The following CEP152 variants were observed in gnomAD, a reference collection of about 807,000 sequenced individuals.
CEP152 encodes centrosomal protein 152.
A neutral mutation model predicts 188.9 loss-of-function variants in CEP152; 132 were observed. That is an observed-to-expected ratio of 0.70 (90% CI 0.61 to 0.81). The LOEUF (loss-of-function observed/expected upper bound fraction) is 0.81. CEP152 is among the 30% of genes least tolerant of loss of function. CEP152 has a pLI of 0.00. For synonymous variants in CEP152, 649 were observed against 666.6 expected, an observed-to-expected ratio of 0.97 and a Z score of 0.41; for missense variants, 1,914 against 1,969.8, an observed-to-expected ratio of 0.97 and a Z score of 0.54.
At chr15:48,746,885 G>A (rs1046321316) in intron 22 of CEP152, among the ~76,000 whole-genome samples, 1 of 152,152 alleles carries the variant, frequency 6.6e-6, no homozygotes, top group African/African-American at 2.4e-5. Flanking sequence ...AATGTATTGG[G>A]GAAAAGATGA....
intron 22 of CEP152, 80 bp downstream of exon 22, chr15:48,748,363 T>C (rs1324561727): frequency 1.4e-6 from 2 of 1,423,282 alleles, no homozygotes; most frequent in African/African-American, 2.9e-5. Context: ...GTGCACACAT[T>C]AACTAAAATG....
At chr15:48,736,866 G>C (rs1483320553), downstream of CEP152, among the ~76,000 whole-genome samples, 2 of 152,098 alleles carry the variant, frequency 1.3e-5, no homozygotes, top group Non-Finnish European at 2.9e-5. Flanking sequence ...TAAAAACAAG[G>C]GCTTAAAACG....
intron 19 of CEP152, among the ~76,000 whole-genome samples, chr15:48,759,596 T>C (rs1894530902): frequency 6.6e-6 from 1 of 152,212 alleles, no homozygotes; most frequent in Non-Finnish European, 1.5e-5. Context: ...CTTTTATTTT[T>C]CCAAAAACAT....
intron 13 of CEP152, among the ~76,000 whole-genome samples, chr15:48,772,104 T>C (rs537096311): frequency 1.5e-4 from 23 of 152,212 alleles, no homozygotes; most frequent in Admixed American, 5.9e-4. Context: ...AAGCCAAAGG[T>C]TTATTAATTT....
At chr15:48,770,887 T>A (rs1316453293) in intron 13 of CEP152, among the ~76,000 whole-genome samples, 3 of 152,150 alleles carry the variant, frequency 2.0e-5, no homozygotes, top group African/African-American at 7.2e-5. Context: ...ACAATCAAAA[T>A]TCCACAATAA....
chr15:48,748,758 A>G lies in CEP152; in HGVS notation c.3467-148T>C, dbSNP rs139926728. On this transcript the variant is annotated intron_variant, in intron 21 of 26. Transcript: ENST00000380950. ...AAAGAGTGTGATGCTTAAGATAGAG[A>G]GACATGGGTTTACATATTGTTTCTG... 175 of 901,904 alleles carry G rather than the reference A, an allele frequency of 1.9e-4. 1 individual carries two copies. In the African/African-American group the frequency reaches 2.5e-3, roughly 13 times the overall value. The allele number at this position is 901,904 out of a possible 1,614,324, so 55.9% of individuals were successfully genotyped here. A position where few individuals can be genotyped will look rare whatever the true frequency, so the allele number is the denominator to read the frequency against.
At chr15:48,759,825 G>A (rs1894547802) in intron 19 of CEP152, among the ~76,000 whole-genome samples, 1 of 152,158 alleles carries the variant, frequency 6.6e-6, no homozygotes, top group South Asian at 2.1e-4. Flanking sequence ...CTTTAAGCAT[G>A]TGAAAGGATA....
intron 13 of CEP152, among the ~76,000 whole-genome samples, chr15:48,771,462 G>A (rs907298853): frequency 6.6e-6 from 1 of 152,118 alleles, no homozygotes; most frequent in African/African-American, 2.4e-5. Context: ...ACATGGGCCA[G>A]GAAAATCTCA....
At chr15:48,779,325 A>G (rs1295099411) in intron 12 of CEP152, among the ~76,000 whole-genome samples, 5 of 152,314 alleles carry the variant, frequency 3.3e-5, no homozygotes, top group African/African-American at 1.2e-4. Flanking sequence ...TACTAAGCAA[A>G]GGAGTTCACT....
chr15:48,779,307 G>A (rs1896107647), intron 12 of CEP152, among the ~76,000 whole-genome samples: 1 of 152,180 alleles, frequency 6.6e-6, no homozygotes, highest in South Asian at 2.1e-4. Context: ...GCTACTAATT[G>A]TCTGCCTTAC....
chr15:48,809,861 G>A (rs775342933), intron 1 of CEP152, among the ~76,000 whole-genome samples: 27 of 152,156 alleles, frequency 1.8e-4, no homozygotes, highest in Non-Finnish European at 3.5e-4. Flanking sequence ...TCTGAGAAAA[G>A]GTGAATGTGC....
chr15:48,755,013 C>T (rs961388863), intron 20 of CEP152, among the ~76,000 whole-genome samples: 1 of 148,788 alleles, frequency 6.7e-6, no homozygotes, highest in African/African-American at 2.5e-5. Context: ...CCTTATAATA[C>T]TGGCTTTTTT....
intron 9 of CEP152, among the ~76,000 whole-genome samples, chr15:48,785,176 T>A (rs1224484156): frequency 6.6e-6 from 1 of 152,190 alleles, no homozygotes; most frequent in African/African-American, 2.4e-5. Flanking sequence ...TTAAGGATAC[T>A]AACACAAGGT....
rs762632850 is a variant in CEP152, at chr15:48,791,330, G to C, written c.879C>G (p.Leu293=). The C allele has an allele frequency of 6.2e-7, 1 of 1,612,598 alleles. No homozygotes were observed. The highest frequency in any genetic ancestry group is 2.2e-5 in the East Asian group (1 of 44,826). ...LTLSLRESQK[L]FQNGKEREIQ... ...TCTCTCTTTCTTTTCCATTCTGAAA[G>C]AGTTTCTGTGATTCTCGAAGGCTGA... is the stretch of plus-strand genomic sequence containing the variant. The change falls in exon 8 of 27, where the codon CTC becomes CTG. Residue 293 remains leucine (L), a synonymous_variant. Transcript: ENST00000380950.
chr15:48,764,146 T>A (rs1420003130), intron 17 of CEP152, among the ~76,000 whole-genome samples: 2 of 152,190 alleles, frequency 1.3e-5, no homozygotes, highest in African/African-American at 2.4e-5. Context: ...CAAGAAGAAT[T>A]GTCTTCTAAA....
At chr15:48,774,906 T>G (rs1895787451) in intron 12 of CEP152, among the ~76,000 whole-genome samples, 1 of 151,854 alleles carries the variant, frequency 6.6e-6, no homozygotes, top group Non-Finnish European at 1.5e-5. Context: ...AAAAGATACT[T>G]GAAGTGAATG....
chr15:48,784,073 C>G lies in CEP152; in HGVS notation c.1221G>C (p.Arg407Ser), dbSNP rs751035264. The G allele has an allele frequency of 6.2e-7, 1 of 1,613,666 alleles. No homozygotes were observed. The highest frequency in any genetic ancestry group is 2.2e-5 in the East Asian group (1 of 44,848). Reference sequence around the variant, plus strand: ...TTTCTAACTTGATTGCTTCTTGATTCCTTTCCAGTTGTTTCACGTGATCTT... The same window carrying G: ...TTTCTAACTTGATTGCTTCTTGATTGCTTTCCAGTTGTTTCACGTGATCTT... ...RLKDHVKQLERNQEAIKLEKT... is the reference protein window; with the variant it reads ...RLKDHVKQLESNQEAIKLEKT... The change falls in exon 10 of 27, where the codon AGG (arginine) becomes AGC (serine). Residue 407 changes from arginine (R) to serine (S), a missense_variant. Transcript: ENST00000380950.
chr15:48,768,276 T>C lies in CEP152; in HGVS notation c.1961A>G (p.Asn654Ser). ...KLRNTNQDLCNQMRQMVQDFD... is the reference protein window; with the variant it reads ...KLRNTNQDLCSQMRQMVQDFD... ...ATCTTGTACCATTTGTCTCATTTGA[T>C]TACATAAGTCTTGATTTGTATTTCT... The change falls in exon 15 of 27, where the codon AAT becomes AGT. Residue 654 changes from asparagine (N) to serine (S), a missense_variant. By Grantham distance (46) the Asn-to-Ser change is conservative. Coordinates refer to ENST00000380950, the MANE Select transcript of CEP152 (RefSeq NM_001194998.2). The C allele has an allele frequency of 6.2e-7, 1 of 1,612,594 alleles. No individual in the cohort carries two copies. The highest frequency in any genetic ancestry group is 8.5e-7 in the Non-Finnish European group (1 of 1,178,572).
chr15:48,739,040 C>A lies in CEP152; in HGVS notation c.4342G>T (p.Gly1448Cys). ...ETHLEFQFGD[G>C]SCKHLNSLPR... ...AAACTGTTTAGGTGCTTGCAACTAC[C>A]ATCCCCAAACTGGAATTCCAAATGT... Residue 1448 changes from glycine (G) to cysteine (C), a missense_variant, in exon 27 of 27, where the codon GGT (glycine) becomes TGT (cysteine). Gly to Cys is a radical substitution (Grantham distance 159). Transcript: ENST00000380950. The A allele has an allele frequency of 6.2e-7, 1 of 1,614,140 alleles. No individual in the cohort carries two copies. Among genetic ancestry groups the A allele is most frequent in the Non-Finnish European group, 8.5e-7 (1 of 1,180,008 alleles).
Sources: gnomAD v4.1 joint callset for allele counts (sites outside exome capture counted in the v4.1 genomes callset) on GRCh38, gnomAD v4.1.1 for gene constraint, MANE v1.5 for transcripts, NCBI Gene and HGNC (gene_info 2026-07-23, HGNC 2026-07-21) for gene names.